Variants in ADAMTS18 observed in about 807,000 individuals in gnomAD.
The protein encoded by ADAMTS18 is ADAM metallopeptidase with thrombospondin type 1 motif 18.
A neutral mutation model predicts 165.9 loss-of-function variants in ADAMTS18; 157 were observed. The ratio of observed to expected loss-of-function variants is 0.95; its 90% CI spans 0.83 to 1.08. The LOEUF (loss-of-function observed/expected upper bound fraction) is 1.08, where lower values mean the gene tolerates loss of function less well. Ranked by LOEUF, ADAMTS18 falls within the 50% of genes least tolerant of loss-of-function variation. ADAMTS18 has a pLI of 0.00. For synonymous variants in ADAMTS18, 782 were observed against 578.2 expected (o/e 1.35, Z -5.06); for missense variants, 2,040 against 1,534.0 (o/e 1.33, Z -5.51).
At chr16:77,420,945 C>A (rs1335333069) in intron 3 of ADAMTS18, among the ~76,000 whole-genome samples, 1 of 152,188 alleles carries the variant, frequency 6.6e-6, no homozygotes, top group African/African-American at 2.4e-5. Context: ...CTAAAAAGTA[C>A]TCTGTTATAG....
chr16:77,331,441 A>G (rs555086411), intron 12 of ADAMTS18, among the ~76,000 whole-genome samples: 1 of 152,320 alleles, frequency 6.6e-6, no homozygotes, highest in Non-Finnish European at 1.5e-5. Flanking sequence ...GAGGTTAAAT[A>G]ACTACCCTCC....
At chr16:77,318,150 A>C (rs766157673) in intron 16 of ADAMTS18, among the ~76,000 whole-genome samples, 3 of 152,184 alleles carry the variant, frequency 2.0e-5, no homozygotes, top group Non-Finnish European at 4.4e-5. Context: ...TTTCAGATCA[A>C]CCCTCTAGTT....
chr16:77,335,682 GA>G (rs1206678286), intron 12 of ADAMTS18, 73 bp downstream of exon 12: 1 of 1,567,536 alleles, frequency 6.4e-7, no homozygotes, highest in Non-Finnish European at 8.8e-7. Flanking sequence ...CTTAAAGTAT[GA>G]ACAAGAAAAA....
rs778896437 is a variant in ADAMTS18 at position 77,353,809 on chromosome 16, T to C, written c.1538A>G (p.Gln513Arg). ...ACACTGTGTGTCAGCATCATAAATC[T>C]GTCCTGGTAGTTTGTCCGGATATTT... is the stretch of plus-strand genomic sequence containing the variant. Reference protein sequence around the residue: ...QYKYPDKLPGQIYDADTQCKW... With the variant: ...QYKYPDKLPGRIYDADTQCKW... The change falls in exon 10 of 23, where the codon CAG (glutamine) becomes CGG (arginine). Residue 513 changes from glutamine (Q) to arginine (R), a missense_variant. Physicochemically the swap from Gln to Arg is conservative, Grantham distance 43. Coordinates refer to ENST00000282849, the MANE Select transcript of ADAMTS18 (RefSeq NM_199355.4). 2 of 1,614,218 alleles carry C rather than the reference T, an allele frequency of 1.2e-6. No homozygotes were observed. Among genetic ancestry groups the C allele is most frequent in the Non-Finnish European group, 1.7e-6 (2 of 1,180,034 alleles).
chr16:77,291,564 A>G (rs2055365636), intron 20 of ADAMTS18, 86 bp from the exon 21 acceptor site: 2 of 1,327,862 alleles, frequency 1.5e-6, no homozygotes, highest in Non-Finnish European at 1.1e-6. Context: ...AGGTTGCACC[A>G]TCCACATGAA....
At chr16:77,390,077 C>T (rs2057164977) in intron 3 of ADAMTS18, among the ~76,000 whole-genome samples, 1 of 152,064 alleles carries the variant, frequency 6.6e-6, no homozygotes, top group African/African-American at 2.4e-5. Flanking sequence ...ATGCAGACTC[C>T]TCAGGGATTT....
At chr16:77,391,890 T>C (rs1025867084) in intron 3 of ADAMTS18, among the ~76,000 whole-genome samples, 4 of 152,170 alleles carry the variant, frequency 2.6e-5, no homozygotes, top group South Asian at 2.1e-4. Flanking sequence ...ATCCACATCA[T>C]GGAAAGAAGG....
chr16:77,387,598 C>T (rs1348722069), intron 3 of ADAMTS18, among the ~76,000 whole-genome samples: 1 of 152,154 alleles, frequency 6.6e-6, no homozygotes, highest in Non-Finnish European at 1.5e-5. Flanking sequence ...AAACTGCTTC[C>T]ACTGCCATGT....
rs2055967610 is a variant in ADAMTS18, at chr16:77,320,095, T to C, written c.2288-2A>G. 1 of 1,614,078 alleles carries C rather than the reference T, an allele frequency of 6.2e-7. No homozygotes were observed. Among genetic ancestry groups the C allele is most frequent in the Non-Finnish European group, 8.5e-7 (1 of 1,179,982 alleles). ...GAATGAGGACCACCGGATAATATTC[T>C]AAATGGAAAGAAGAGAACATGTCTG... On this transcript the variant is annotated splice_acceptor_variant, in intron 15 of 22. Coordinates refer to ENST00000282849, the MANE Select transcript of ADAMTS18 (RefSeq NM_199355.4). LOFTEE classifies it high-confidence loss of function.
intron 3 of ADAMTS18, among the ~76,000 whole-genome samples, chr16:77,405,962 G>T (rs1051184754): frequency 6.6e-6 from 1 of 151,956 alleles, no homozygotes. Flanking sequence ...GTAAGAAAAT[G>T]AAAGAAATAT....
At chr16:77,293,328 ACAC>A in intron 19 of ADAMTS18, 70 bp from the exon 20 acceptor site, 1 of 1,331,826 alleles carries the variant, frequency 7.5e-7, no homozygotes, top group Non-Finnish European at 1.1e-6. Context: ...AAAAAAAACA[ACAC>A]ACTAAATATA....
intron 7 of ADAMTS18, among the ~76,000 whole-genome samples, chr16:77,361,042 C>T (rs2650903): frequency 0.36 from 55,070 of 151,984 alleles, 10,884 homozygotes; most frequent in Non-Finnish European, 0.45. Context: ...GCCGAAATCA[C>T]GCCACTGCAC....
rs543284506 is a variant in ADAMTS18, at chr16:77,315,709, G to C, written c.2532+4140C>G. On this transcript the variant is annotated intron_variant, in intron 16 of 22. Transcript: ENST00000282849. ...ACATTCTGGATATTGCAATTATTTG[G>C]CTACTCCCAAGAGGCAGCTTATCAA... Among the ~76,000 whole-genome samples the C allele has an allele frequency of 2.0e-5, 3 of 152,218 alleles. No homozygotes were observed. The South Asian group carries it at 6.2e-4, about 32-fold the overall frequency.
chr16:77,372,099 C>G (rs57161547), intron 3 of ADAMTS18, among the ~76,000 whole-genome samples: 1 of 152,090 alleles, frequency 6.6e-6, no homozygotes, highest in Non-Finnish European at 1.5e-5. Flanking sequence ...ATTAGAATGA[C>G]TATTATCACA....
At chr16:77,402,703 T>G (rs766946919) in intron 3 of ADAMTS18, among the ~76,000 whole-genome samples, 1 of 152,232 alleles carries the variant, frequency 6.6e-6, no homozygotes, top group Non-Finnish European at 1.5e-5. Flanking sequence ...AAATACATTT[T>G]CACAAAACAA....
chr16:77,415,138 A>G (rs2057513576), intron 3 of ADAMTS18, among the ~76,000 whole-genome samples: 1 of 152,218 alleles, frequency 6.6e-6, no homozygotes, highest in African/African-American at 2.4e-5. Context: ...TGGGCACTGC[A>G]CCCAATAAAT....
chr16:77,427,429 T>C (rs148089681), intron 3 of ADAMTS18, among the ~76,000 whole-genome samples: 2,029 of 152,318 alleles, frequency 0.013, 88 homozygotes, highest in Admixed American at 0.094. Flanking sequence ...ATGTCATGGC[T>C]TGCTGGATGT....
chr16:77,426,344 T>A (rs2057672781), intron 3 of ADAMTS18, among the ~76,000 whole-genome samples: 1 of 151,926 alleles, frequency 6.6e-6, no homozygotes, highest in Non-Finnish European at 1.5e-5. Flanking sequence ...AGATGCTCCT[T>A]GGAAAAAAAA....
intron 12 of ADAMTS18, among the ~76,000 whole-genome samples, chr16:77,327,831 C>T (rs1012803912): frequency 2.0e-5 from 3 of 152,178 alleles, no homozygotes; most frequent in African/African-American, 7.2e-5. Context: ...TATCTTCCCA[C>T]ACTTTGCCAT....
Sources: gnomAD v4.1 joint callset for allele counts (sites outside exome capture counted in the v4.1 genomes callset) on GRCh38, gnomAD v4.1.1 for gene constraint, MANE v1.5 for transcripts, NCBI Gene and HGNC (gene_info 2026-07-23, HGNC 2026-07-21) for gene names.